SGSM2: variants seen among roughly 807,000 people sequenced by gnomAD.
The protein encoded by SGSM2 is small G protein signaling modulator 2, also known as RUN and TBC1 domain containing 1.
In SGSM2, 89 loss-of-function variants were observed where a neutral mutation model predicts 126.6. The ratio of observed to expected loss-of-function variants is 0.70; its 90% CI spans 0.59 to 0.84. SGSM2 has a LOEUF of 0.84. Ranked by LOEUF, SGSM2 falls within the 40% of genes least tolerant of loss-of-function variation. The pLI, the probability that SGSM2 is intolerant of heterozygous loss-of-function variation, is 0.00. For synonymous variants in SGSM2, 614 were observed against 574.3 expected (o/e 1.07, Z -0.99); for missense variants, 1,404 against 1,416.6 (o/e 0.99, Z 0.14).
chr17:2,374,069 C>G (rs139259158), intron 17 of SGSM2: 1 of 152,526 alleles, frequency 6.6e-6, no homozygotes. Flanking sequence ...CAGGCTTGTT[C>G]GGAGCACGGG....
At chr17:2,371,543 A>G (rs1415500238) in intron 13 of SGSM2, 128 bp downstream of exon 13, 5 of 1,205,848 alleles carry the variant, frequency 4.1e-6, no homozygotes, top group Middle Eastern at 2.9e-4. Flanking sequence ...TCTGGGTTCA[A>G]ATTTCACTTT....
intron 16 of SGSM2, 42 bp from the exon 17 acceptor site, chr17:2,373,289 G>C (rs774021772): frequency 1.9e-6 from 3 of 1,590,396 alleles, no homozygotes; most frequent in East Asian, 4.5e-5. Flanking sequence ...GGGAGGGCCT[G>C]GTGCACGCTT....
intron 1 of SGSM2, among the ~76,000 whole-genome samples, chr17:2,339,766 G>A (rs954681974): frequency 2.0e-5 from 3 of 151,364 alleles, no homozygotes; most frequent in Admixed American, 6.6e-5. Context: ...CGTTAGCCAT[G>A]GCCTGGCTAC....
At chr17:2,345,457 G>A (rs1319494190) in intron 2 of SGSM2, among the ~76,000 whole-genome samples, 5 of 152,092 alleles carry the variant, frequency 3.3e-5, no homozygotes, top group African/African-American at 4.8e-5. Flanking sequence ...TTAGCCAGGC[G>A]TGGTGGCGGG....
At position 2,365,255 on chromosome 17, in the gene SGSM2, G is replaced by C; in HGVS notation, c.1202G>C (p.Arg401Pro). The C allele has an allele frequency of 6.2e-7, 1 of 1,611,852 alleles. No homozygotes were observed. Among genetic ancestry groups the C allele is most frequent in the Non-Finnish European group, 8.5e-7 (1 of 1,178,946 alleles). ...AAGCTACGGAAACGAAGCAGCATTC[G>C]CTCCGTGGATATGGAGGAGATGGGC... ...FPKLRKRSSI[R>P]SVDMEEMGTG... is the part of the protein sequence containing the mutation. The change falls in exon 11 of 24, where the codon CGC becomes CCC. Residue 401 changes from arginine to proline, a missense_variant. By Grantham distance (103) the Arg-to-Pro change is moderately radical (BLOSUM62 -2). Transcript: ENST00000268989.
intron 16 of SGSM2, 23 bp from the exon 17 acceptor site, chr17:2,373,308 G>A: frequency 6.2e-7 from 1 of 1,602,814 alleles, no homozygotes; most frequent in East Asian, 2.2e-5. Context: ...TTCCCCCATG[G>A]TCGTGGTGTG....
Position 2,361,736 on chromosome 17 carries a change from C to T in SGSM2, c.233C>T (p.Thr78Met), listed in dbSNP as rs151094284. The T allele has an allele frequency of 6.9e-5, 112 of 1,613,836 alleles. No homozygotes were observed. The highest frequency in any genetic ancestry group is 6.9e-4 in the South Asian group (63 of 91,090). ...GCCCTGTTCACCAAGGTGGGGAAGA[C>T]GTGCCCAGTGGCGGGGGAGATTTGC... Reference protein sequence around the residue: ...MAALFTKVGKTCPVAGEICHK... With the variant: ...MAALFTKVGKMCPVAGEICHK... The change falls in exon 3 of 24, where the codon ACG becomes ATG. Residue 78 changes from threonine to methionine, a missense_variant. By Grantham distance (81) the Thr-to-Met change is moderately conservative. Coordinates refer to ENST00000268989, the MANE Select transcript of SGSM2 (RefSeq NM_014853.3).
intron 1 of SGSM2, among the ~76,000 whole-genome samples, chr17:2,340,686 G>A (rs374904466): frequency 4.6e-5 from 7 of 151,708 alleles, no homozygotes; most frequent in East Asian, 3.9e-4. Context: ...CCGGGTTCAC[G>A]CCTTTCTCCT....
chr17:2,378,921 C>CCAGCCTCAGCCT (rs368736242), intron 22 of SGSM2, 115 bp from the exon 23 acceptor site: 11 of 1,298,436 alleles, frequency 8.5e-6, no homozygotes, highest in South Asian at 8.4e-5. Context: ...AGCCCCAGCC[C>CCAGCCTCAGCCT]CAGCCTCAGC....
chr17:2,364,259 C>T, intron 8 of SGSM2, 76 bp downstream of exon 8: 1 of 1,579,194 alleles, frequency 6.3e-7, no homozygotes, highest in Admixed American at 1.7e-5. Context: ...ATGGAGAAAC[C>T]CCGCTTGCTC....
intron 2 of SGSM2, among the ~76,000 whole-genome samples, chr17:2,358,308 G>A (rs1342076031): frequency 6.6e-6 from 1 of 152,172 alleles, no homozygotes; most frequent in Admixed American, 6.5e-5. Flanking sequence ...TGTTGCTGCC[G>A]GCTTTGCAGG....
chr17:2,376,702 C>A, intron 19 of SGSM2, 31 bp from the exon 20 acceptor site: 1 of 1,608,432 alleles, frequency 6.2e-7, no homozygotes, highest in Non-Finnish European at 8.5e-7. Flanking sequence ...GAATGGGGCA[C>A]AGCCACAGTG....
intron 1 of SGSM2, among the ~76,000 whole-genome samples, chr17:2,341,524 C>T (rs1226824719): frequency 6.6e-6 from 1 of 152,200 alleles, no homozygotes; most frequent in Non-Finnish European, 1.5e-5. Context: ...TGAGGTTCTA[C>T]CACCCTCCAA....
intron 2 of SGSM2, among the ~76,000 whole-genome samples, chr17:2,357,069 G>A (rs529150531): frequency 5.9e-5 from 9 of 152,210 alleles, no homozygotes; most frequent in South Asian, 2.1e-4. Context: ...CTCCAGCCGT[G>A]TGTAGCATTT....
chr17:2,378,721 A>G (rs1030195531), intron 22 of SGSM2, among the ~76,000 whole-genome samples: 2 of 152,206 alleles, frequency 1.3e-5, no homozygotes, highest in Admixed American at 1.3e-4. Flanking sequence ...AAGTGCAGGC[A>G]GAGTCTGCAG....
In SGSM2 at chr17:2,371,848, G is replaced by C. The variant is rs144300193; in HGVS notation, c.1578-342G>C. 2.1e-3 allele frequency: 852 copies of C among 399,438 alleles called. 2 individuals are homozygous for C. Among genetic ancestry groups the C allele is most frequent in the Non-Finnish European group, 3.3e-3 (735 of 219,570 alleles). The allele number at this position is 399,438 out of a possible 1,614,324, so 24.7% of individuals were successfully genotyped here. ...GGCAGTGAGTGAATGGCTTTTATGG[G>C]AGGTGTTCTCTTTTACCTTTACTTC... is the stretch of plus-strand genomic sequence containing the variant. On this transcript the variant is annotated intron_variant, in intron 13 of 23. Transcript: ENST00000268989.
intron 11 of SGSM2, among the ~76,000 whole-genome samples, chr17:2,365,821 A>G (rs528888507): frequency 1.4e-5 from 2 of 144,390 alleles, no homozygotes; most frequent in Non-Finnish European, 3.0e-5. Context: ...ATCTCAGCTC[A>G]CTGCAACCTC....
In SGSM2 at chr17:2,377,847, C is replaced by A. The variant is rs373932494; in HGVS notation, c.2803-10C>A. On this transcript the variant is annotated splice_polypyrimidine_tract_variant and intron_variant, in intron 21 of 23. Coordinates refer to ENST00000268989, the MANE Select transcript of SGSM2 (RefSeq NM_014853.3). Reference sequence around the variant, plus strand: ...GGCTCAGCCTCTCTCCCTTTTCCCACCCACATAAGATCCTGGACTCAGAGC... The same window carrying A: ...GGCTCAGCCTCTCTCCCTTTTCCCAACCACATAAGATCCTGGACTCAGAGC... 15 of 1,582,958 alleles carry A rather than the reference C, an allele frequency of 9.5e-6. No individual in the cohort carries two copies. The highest frequency in any genetic ancestry group is 1.2e-5 in the Non-Finnish European group (14 of 1,152,170).
In SGSM2 at chr17:2,380,094, C is replaced by T; in HGVS notation, c.*574C>T. The T allele has an allele frequency of 7.1e-7, 1 of 1,402,342 alleles. No individual in the cohort carries two copies. The highest frequency in any genetic ancestry group is 1.6e-5 in the South Asian group (1 of 62,826). 86.9% of individuals were successfully genotyped at this position (1,402,342 alleles called of 1,614,324 possible). A position where few individuals can be genotyped will look rare whatever the true frequency, so the allele number is the denominator to read the frequency against. ...GCCTTCAGGCCGCTCCCCCGAGATT[C>T]TGGGGCAGTCGGAAGATGTGGGCCC... On this transcript the variant is annotated 3_prime_UTR_variant, in exon 24 of 24. Transcript: ENST00000268989.
Sources: gnomAD v4.1 joint callset for allele counts (sites outside exome capture counted in the v4.1 genomes callset) on GRCh38, gnomAD v4.1.1 for gene constraint, MANE v1.5 for transcripts, NCBI Gene and HGNC (gene_info 2026-07-23, HGNC 2026-07-21) for gene names.